Variants in ASXL3 observed in about 807,000 individuals in gnomAD.
The protein encoded by ASXL3 is ASXL transcriptional regulator 3.
ASXL3 carries 34 observed loss-of-function variants against 170.6 expected under a neutral mutation model. That is an observed-to-expected ratio of 0.20 (90% CI 0.15 to 0.27). The LOEUF (loss-of-function observed/expected upper bound fraction) is 0.27, where lower values mean the gene tolerates loss of function less well. Among genes scored for constraint, ASXL3 ranks in the 10% least tolerant of loss-of-function variants. The pLI is 1.00. For missense variants in ASXL3, 2,592 were observed against 2,695.3 expected (o/e 0.96, Z 0.85); for synonymous variants, 1,002 against 989.1 (o/e 1.01, Z -0.24).
intron 2 of ASXL3, among the ~76,000 whole-genome samples, chr18:33,631,110 A>T (rs2145172014): frequency 6.6e-6 from 1 of 152,144 alleles, no homozygotes; most frequent in Admixed American, 6.5e-5. Flanking sequence ...GTATCTGCAT[A>T]TGAAAAACAA....
intron 3 of ASXL3, among the ~76,000 whole-genome samples, chr18:33,646,018 T>G (rs916319699): frequency 6.6e-6 from 1 of 151,618 alleles, no homozygotes; most frequent in Non-Finnish European, 1.5e-5. Flanking sequence ...AAACTTTTTT[T>G]GGGTATAGAT....
chr18:33,672,335 G>A (rs919404569), intron 7 of ASXL3, among the ~76,000 whole-genome samples: 1 of 152,070 alleles, frequency 6.6e-6, no homozygotes, highest in Non-Finnish European at 1.5e-5. Flanking sequence ...AAAATATTTA[G>A]TAGTGCCTGT....
chr18:33,697,419 T>C (rs1441435192), intron 8 of ASXL3, among the ~76,000 whole-genome samples: 1 of 151,994 alleles, frequency 6.6e-6, no homozygotes, highest in Non-Finnish European at 1.5e-5. Flanking sequence ...GAAATACAAA[T>C]TTGAAGAACA....
intron 8 of ASXL3, among the ~76,000 whole-genome samples, chr18:33,706,238 A>C (rs114515476): frequency 6.6e-6 from 1 of 151,784 alleles, no homozygotes; most frequent in African/African-American, 2.4e-5. Flanking sequence ...GAGCTACCTC[A>C]ACAAGATATC....
chr18:33,650,048 T>C (rs1303192262), intron 4 of ASXL3, among the ~76,000 whole-genome samples: 1 of 152,074 alleles, frequency 6.6e-6, no homozygotes, highest in Non-Finnish European at 1.5e-5. Context: ...TGGGTCCACC[T>C]GGAAAAAAGA....
At chr18:33,626,405 T>C (rs572257508) in intron 2 of ASXL3, among the ~76,000 whole-genome samples, 2 of 152,224 alleles carry the variant, frequency 1.3e-5, no homozygotes, top group South Asian at 2.1e-4. Context: ...GTCAAGGTGA[T>C]GGTAGTTAGA....
chr18:33,676,085 ATGGTGGCAGGCACCTGTAGTCCCAGC>A (rs2066423284), intron 7 of ASXL3, among the ~76,000 whole-genome samples: 1 of 151,574 alleles, frequency 6.6e-6, no homozygotes, highest in African/African-American at 2.4e-5. Context: ...TTAGCTGGGT[ATGGTGGCAGGCACCTGTAGTCCCAGC>A]TACTCGGGAG....
chr18:33,600,815 C>T (rs2065176408), intron 1 of ASXL3, among the ~76,000 whole-genome samples: 1 of 152,094 alleles, frequency 6.6e-6, no homozygotes, highest in East Asian at 1.9e-4. Flanking sequence ...GTTTTATGAC[C>T]CTGGGCAACT....
At chr18:33,742,087 A>C (rs1010023017) in intron 11 of ASXL3, among the ~76,000 whole-genome samples, 5 of 152,268 alleles carry the variant, frequency 3.3e-5, no homozygotes, top group African/African-American at 9.6e-5. Context: ...TGCCCAATGC[A>C]TAAATCCTTT....
chr18:33,579,456 G>C (rs569315642), intron 1 of ASXL3, among the ~76,000 whole-genome samples: 1 of 152,284 alleles, frequency 6.6e-6, no homozygotes, highest in East Asian at 1.9e-4. Context: ...CTGGCTTCCT[G>C]GGCGGTGTTA....
chr18:33,714,125 C>T (rs2067126420), intron 8 of ASXL3, among the ~76,000 whole-genome samples: 1 of 152,108 alleles, frequency 6.6e-6, no homozygotes, highest in Non-Finnish European at 1.5e-5. Context: ...GTGGAAACTG[C>T]CCTCCCTCTC....
chr18:33,733,437 C>G (rs563781756), intron 9 of ASXL3, among the ~76,000 whole-genome samples: 17 of 152,302 alleles, frequency 1.1e-4, no homozygotes, highest in Admixed American at 4.6e-4. Flanking sequence ...CCTATCTGGT[C>G]ATGAACTGTT....
At chr18:33,718,369 C>T (rs1205820109) in intron 8 of ASXL3, among the ~76,000 whole-genome samples, 1 of 152,114 alleles carries the variant, frequency 6.6e-6, no homozygotes, top group Non-Finnish European at 1.5e-5. Flanking sequence ...ATGAGTTGTT[C>T]TCACCTTCCC....
intron 1 of ASXL3, among the ~76,000 whole-genome samples, chr18:33,594,714 T>C (rs1219092261): frequency 1.3e-5 from 2 of 152,036 alleles, no homozygotes; most frequent in East Asian, 3.9e-4. Context: ...GTAGAAATAT[T>C]TGCCCTGAAT....
intron 2 of ASXL3, among the ~76,000 whole-genome samples, chr18:33,629,767 C>T (rs1599417047): frequency 6.6e-6 from 1 of 151,888 alleles, no homozygotes; most frequent in Admixed American, 6.6e-5. Context: ...TCAAAACGCA[C>T]GTTTTTTCCT....
rs756733729 is a variant in ASXL3, at chr18:33,744,468, T to G, written c.4620T>G (p.Ile1540Met). ...NEGIDHSSTFIAASAAKQDSK... is the reference protein window; with the variant it reads ...NEGIDHSSTFMAASAAKQDSK... ...GTATAGATCACAGTTCCACTTTCAT[T>G]GCTGCTTCGGCAGCAAAACAAGACA... The change falls in exon 12 of 12, where the codon ATT (isoleucine) becomes ATG (methionine). Residue 1540 changes from isoleucine to methionine, a missense_variant. Physicochemically the swap from Ile to Met is conservative, Grantham distance 10 (BLOSUM62 1). Transcript: ENST00000269197. 1.2e-6 allele frequency: 2 copies of G among 1,613,390 alleles called. No homozygotes were observed. The highest frequency in any genetic ancestry group is 1.7e-6 in the Non-Finnish European group (2 of 1,179,792).
chr18:33,631,439 G>T (rs1322364418), intron 2 of ASXL3, among the ~76,000 whole-genome samples: 1 of 151,878 alleles, frequency 6.6e-6, no homozygotes, highest in Non-Finnish European at 1.5e-5. Flanking sequence ...TATACTGCTG[G>T]TGAGAATGTA....
intron 8 of ASXL3, among the ~76,000 whole-genome samples, chr18:33,713,262 T>TTG (rs2067106120): frequency 8.4e-6 from 1 of 118,718 alleles, no homozygotes; most frequent in African/African-American, 3.4e-5. Flanking sequence ...TTTTTTTTTT[T>TTG]TTTTTTTTTT....
At chr18:33,719,007 T>C (rs2067214189) in intron 8 of ASXL3, among the ~76,000 whole-genome samples, 1 of 152,140 alleles carries the variant, frequency 6.6e-6, no homozygotes, top group African/African-American at 2.4e-5. Context: ...TATATATTTA[T>C]TCATTTAATC....
Sources: gnomAD v4.1 joint callset for allele counts (sites outside exome capture counted in the v4.1 genomes callset) on GRCh38, gnomAD v4.1.1 for gene constraint, MANE v1.5 for transcripts, NCBI Gene and HGNC (gene_info 2026-07-23, HGNC 2026-07-21) for gene names.